The following BIRC2 variants were observed in gnomAD, a reference collection of about 807,000 sequenced individuals.
BIRC2 encodes baculoviral IAP repeat containing 2.
A neutral mutation model predicts 60.9 loss-of-function variants in BIRC2; 18 were observed. That is an observed-to-expected ratio of 0.30 (90% confidence interval 0.20 to 0.44). The LOEUF (loss-of-function observed/expected upper bound fraction) is 0.44, where lower values mean the gene tolerates loss of function less well. Among genes scored for constraint, BIRC2 ranks in the 20% least tolerant of loss-of-function variants. The pLI, the probability that BIRC2 is intolerant of heterozygous loss-of-function variation, is 1.00. For missense variants in BIRC2, 701 were observed against 728.5 expected, an observed-to-expected ratio of 0.96 and a Z score of 0.43; for synonymous variants, 282 against 247.7, an observed-to-expected ratio of 1.14 and a Z score of -1.30.
At chr11:102,362,058 TTGA>T (rs1489020455) in intron 3 of BIRC2, among the ~76,000 whole-genome samples, 12 of 152,306 alleles carry the variant, frequency 7.9e-5, no homozygotes, top group African/African-American at 2.6e-4. Context: ...GTTTTCAATT[TTGA>T]TGATGTCAAT....
At chr11:102,351,844 C>T (rs559551140) in intron 3 of BIRC2, among the ~76,000 whole-genome samples, 20 of 151,948 alleles carry the variant, frequency 1.3e-4, no homozygotes, top group Middle Eastern at 3.4e-3. Flanking sequence ...TGAACTTGGA[C>T]GTTGTTTGTA....
chr11:102,364,166 T>TACACAC (rs1951521388), intron 5 of BIRC2, among the ~76,000 whole-genome samples: 1 of 84,056 alleles, frequency 1.2e-5, no homozygotes, highest in African/African-American at 5.9e-5. Context: ...TATATATATA[T>TACACAC]ATATATATAC....
intron 5 of BIRC2, 41 bp downstream of exon 5, chr11:102,363,757 A>T (rs751625443): frequency 2.6e-6 from 4 of 1,546,394 alleles, no homozygotes; most frequent in Middle Eastern, 3.4e-4. Flanking sequence ...GTAAATTTTT[A>T]TAAGAATTTT....
At chr11:102,356,343 G>A (rs935481659) in intron 3 of BIRC2, among the ~76,000 whole-genome samples, 5 of 150,808 alleles carry the variant, frequency 3.3e-5, no homozygotes, top group Admixed American at 1.3e-4. Context: ...TTACAGGTGC[G>A]TGCCACTGCA....
At chr11:102,374,500 C>A (rs1351265521) in intron 6 of BIRC2, among the ~76,000 whole-genome samples, 4 of 150,440 alleles carry the variant, frequency 2.7e-5, no homozygotes, top group South Asian at 2.1e-4. Flanking sequence ...GGTCAGGGAC[C>A]CACTTGAGGA....
At chr11:102,357,001 A>T (rs1951430627) in intron 3 of BIRC2, among the ~76,000 whole-genome samples, 3 of 152,108 alleles carry the variant, frequency 2.0e-5, no homozygotes, top group Admixed American at 2.0e-4. Flanking sequence ...CATTTTGTCA[A>T]TGTGTGGTAT....
chr11:102,363,575 A>G (rs1951509389), intron 4 of BIRC2, 93 bp from the exon 5 acceptor site: 1 of 911,360 alleles, frequency 1.1e-6, no homozygotes, highest in Non-Finnish European at 1.7e-6. Context: ...AAGAACATAT[A>G]CATTTACTTA....
In BIRC2 at chr11:102,363,688, C is replaced by G. The variant is rs1384467245; in HGVS notation, c.1095C>G (p.Thr365=). The G allele has an allele frequency of 6.2e-7, 1 of 1,611,422 alleles. No individual in the cohort carries two copies. Among genetic ancestry groups the G allele is most frequent in the African/African-American group, 1.3e-5 (1 of 74,812 alleles). Residue 365 remains threonine, a synonymous_variant, in exon 5 of 9, where the codon ACC becomes ACG. Transcript: ENST00000227758. Reference sequence around the variant, plus strand: ...CATAGCTGTTGTCAACTTCAGATACCACTGGAGAAGAAAATGCTGACCCAC... The same window carrying G: ...CATAGCTGTTGTCAACTTCAGATACGACTGGAGAAGAAAATGCTGACCCAC... ...LLEQLLSTSD[T]TGEENADPPI...
intron 5 of BIRC2, among the ~76,000 whole-genome samples, chr11:102,365,263 G>A (rs1212923446): frequency 6.6e-6 from 1 of 151,948 alleles, no homozygotes; most frequent in African/African-American, 2.4e-5. Flanking sequence ...CCTTTCTCTC[G>A]AGTCTTCAAT....
chr11:102,375,465 A>G (rs1029880777), intron 6 of BIRC2, among the ~76,000 whole-genome samples: 1 of 152,198 alleles, frequency 6.6e-6, no homozygotes, highest in Non-Finnish European at 1.5e-5. Flanking sequence ...GGACTTCTAC[A>G]TTGAAACAGA....
At chr11:102,362,405 T>C (rs1311608779) in intron 3 of BIRC2, among the ~76,000 whole-genome samples, 2 of 152,180 alleles carry the variant, frequency 1.3e-5, no homozygotes, top group East Asian at 3.8e-4. Flanking sequence ...CACTGTCATA[T>C]TATATATAGA....
intron 2 of BIRC2, 26 bp from the exon 3 acceptor site, chr11:102,350,818 A>G: frequency 6.2e-7 from 1 of 1,611,480 alleles, no homozygotes; most frequent in Non-Finnish European, 8.5e-7. Flanking sequence ...ACGTGTTTTC[A>G]ATATTTAGTC....
intron 5 of BIRC2, among the ~76,000 whole-genome samples, chr11:102,366,456 C>T (rs11605915): frequency 0.051 from 7,677 of 151,878 alleles, 273 homozygotes; most frequent in Non-Finnish European, 0.081. Context: ...AAGCTCCACC[C>T]GCCGGGTTCA....
At chr11:102,365,116 A>G (rs1341683525) in intron 5 of BIRC2, among the ~76,000 whole-genome samples, 1 of 152,142 alleles carries the variant, frequency 6.6e-6, no homozygotes, top group Admixed American at 6.5e-5. Context: ...TAGGCTACAT[A>G]ATTTATCCTT....
At chr11:102,359,352 T>G (rs1181886858) in intron 3 of BIRC2, among the ~76,000 whole-genome samples, 1 of 152,206 alleles carries the variant, frequency 6.6e-6, no homozygotes, top group Admixed American at 6.5e-5. Context: ...TTTAAAAACC[T>G]GTATTTTAGA....
intron 6 of BIRC2, among the ~76,000 whole-genome samples, chr11:102,369,253 C>T (rs1279336308): frequency 4.7e-5 from 7 of 148,008 alleles, no homozygotes; most frequent in Non-Finnish European, 8.9e-5. Flanking sequence ...CATGCTGGTG[C>T]GCTGCACCCA....
intron 3 of BIRC2, among the ~76,000 whole-genome samples, chr11:102,361,766 C>G (rs898190772): frequency 2.0e-5 from 3 of 152,012 alleles, no homozygotes; most frequent in Non-Finnish European, 4.4e-5. Context: ...AGCCCTCACC[C>G]CTTGTTCTTA....
At chr11:102,352,453 C>T (rs1476851886) in intron 3 of BIRC2, among the ~76,000 whole-genome samples, 1 of 151,886 alleles carries the variant, frequency 6.6e-6, no homozygotes, top group Non-Finnish European at 1.5e-5. Flanking sequence ...CTCTGTCATC[C>T]AGGCTGGAGT....
intron 6 of BIRC2, among the ~76,000 whole-genome samples, chr11:102,373,428 G>C (rs1405255204): frequency 6.6e-6 from 1 of 151,930 alleles, no homozygotes; most frequent in South Asian, 2.1e-4. Flanking sequence ...CACTTATGAA[G>C]CTTAGTTTGG....
Sources: allele counts gnomAD v4.1 joint callset (sites outside exome capture counted in the v4.1 genomes callset), GRCh38; gene constraint gnomAD v4.1.1; transcripts MANE v1.5; gene names NCBI Gene and HGNC (gene_info 2026-07-23, HGNC 2026-07-21).